Variants in LRRC7 observed in about 807,000 individuals in gnomAD.
The protein encoded by LRRC7 is leucine rich repeat containing 7, also known as leucine-rich repeat-containing protein 7.
A neutral mutation model predicts 175.7 loss-of-function variants in LRRC7; 23 were observed. The observed-to-expected ratio is 0.13, with a 90% CI of 0.09 to 0.19. The LOEUF (loss-of-function observed/expected upper bound fraction) is 0.19, where lower values mean the gene tolerates loss of function less well. Ranked by LOEUF, LRRC7 falls within the 10% of genes least tolerant of loss-of-function variation. The pLI, the probability that LRRC7 is intolerant of heterozygous loss-of-function variation, is 1.00. For missense variants in LRRC7, 1,354 were observed against 1,904.7 expected, an observed-to-expected ratio of 0.71 and a Z score of 5.38; for synonymous variants, 685 against 680.9, an observed-to-expected ratio of 1.01 and a Z score of -0.09.
At position 70,142,584 on chromosome 1, in the gene LRRC7, A is replaced by T. The variant is rs1667107831; in HGVS notation, c.*20697A>T. On this transcript the variant is annotated 3_prime_UTR_variant, in exon 27 of 27. Transcript: ENST00000651989. The stretch of plus-strand genomic sequence containing the variant: ...AAGAAGAAATTTTTTACTAGTGGAA[A>T]ATTAGAAGTAAATCTACCAAATTCT... The T allele has an allele frequency of 6.6e-6, 1 of 152,112 alleles. No individual in the cohort carries two copies. Among genetic ancestry groups the T allele is most frequent in the South Asian group, 2.1e-4 (1 of 4,830 alleles). The allele number at this position is 152,112 out of a possible 1,614,324, so 9.4% of individuals were successfully genotyped here.
chr1:69,847,944 G>T (rs978380803), intron 7 of LRRC7, among the ~76,000 whole-genome samples: 15 of 152,050 alleles, frequency 9.9e-5, no homozygotes, highest in Admixed American at 1.3e-4. Flanking sequence ...TTCTGGCTTC[G>T]TTGCCTCCCA....
intron 26 of LRRC7, among the ~76,000 whole-genome samples, chr1:70,111,201 ATC>A (rs1189685865): frequency 6.6e-6 from 1 of 152,134 alleles, no homozygotes; most frequent in African/African-American, 2.4e-5. Flanking sequence ...AATTTATTAG[ATC>A]TCTTTCTTTC....
At position 70,039,759 on chromosome 1, in the gene LRRC7, T is replaced by A; in HGVS notation, c.3935T>A (p.Leu1312Gln). ...ATGCCTGCAGACTGGAGACAACAGC[T>A]GCTTAGACATATAGAAGCTAGACGG... The part of the protein sequence containing the change: ...GKMPADWRQQ[L>Q]LRHIEARRLD... The change falls in exon 21 of 27, where the codon CTG (leucine) becomes CAG (glutamine). Residue 1312 changes from leucine (L) to glutamine (Q), a missense_variant. Leu to Gln is a moderately radical substitution (Grantham distance 113). Transcript: ENST00000651989. 6.2e-7 allele frequency: 1 copy of A among 1,609,190 alleles called. No homozygotes were observed. The highest frequency in any genetic ancestry group is 8.5e-7 in the Non-Finnish European group (1 of 1,178,162).
intron 23 of LRRC7, among the ~76,000 whole-genome samples, chr1:70,053,606 A>G (rs1333357679): frequency 6.6e-6 from 1 of 152,152 alleles, no homozygotes; most frequent in East Asian, 1.9e-4. Flanking sequence ...GGAAACAAAA[A>G]TGAAAAAGAC....
chr1:69,695,341 C>G (rs1055940902), intron 2 of LRRC7, among the ~76,000 whole-genome samples: 1 of 152,158 alleles, frequency 6.6e-6, no homozygotes, highest in Non-Finnish European at 1.5e-5. Context: ...CAAAATGTGG[C>G]ATGGCTTCTT....
intron 10 of LRRC7, among the ~76,000 whole-genome samples, chr1:69,992,329 G>A (rs1004626319): frequency 6.6e-6 from 1 of 152,014 alleles, no homozygotes; most frequent in Non-Finnish European, 1.5e-5. Flanking sequence ...TAAAATTGTA[G>A]GAAAAGGCCT....
At chr1:70,028,533 A>G (rs2291777) in intron 18 of LRRC7, among the ~76,000 whole-genome samples, 162 bp downstream of exon 18, 14,760 of 152,196 alleles carry the variant, frequency 0.097, 716 homozygotes, top group South Asian at 0.13. Context: ...TTAATCAGTC[A>G]TAGAAAAATG....
chr1:70,058,835 A>G (rs369449938), intron 23 of LRRC7, among the ~76,000 whole-genome samples: 2 of 152,236 alleles, frequency 1.3e-5, no homozygotes, highest in South Asian at 4.1e-4. Flanking sequence ...AAATTCAGAC[A>G]TTGCACTCTG....
At chr1:69,866,541 C>T (rs1255778528) in intron 7 of LRRC7, among the ~76,000 whole-genome samples, 1 of 152,206 alleles carries the variant, frequency 6.6e-6, no homozygotes, top group East Asian at 1.9e-4. Context: ...GGTTATTTAT[C>T]ATTTTCTATT....
At chr1:69,956,767 A>G (rs915723816) in intron 8 of LRRC7, among the ~76,000 whole-genome samples, 2 of 151,726 alleles carry the variant, frequency 1.3e-5, no homozygotes, top group African/African-American at 4.8e-5. Flanking sequence ...TAAGAATAAT[A>G]AAATAAAACA....
intron 8 of LRRC7, among the ~76,000 whole-genome samples, chr1:69,975,321 G>A (rs1652699649): frequency 6.6e-6 from 1 of 152,088 alleles, no homozygotes; most frequent in African/African-American, 2.4e-5. Context: ...TTTATAGTTT[G>A]TACCTTAGCC....
intron 11 of LRRC7, among the ~76,000 whole-genome samples, chr1:70,000,316 T>A (rs150351022): frequency 5.1e-4 from 77 of 152,296 alleles, no homozygotes; most frequent in African/African-American, 1.8e-3. Flanking sequence ...CACAAATAGA[T>A]GCCATTGTGT....
chr1:70,075,049 G>A (rs1425991153), intron 23 of LRRC7, among the ~76,000 whole-genome samples: 1 of 152,106 alleles, frequency 6.6e-6, no homozygotes, highest in Non-Finnish European at 1.5e-5. Context: ...ATCCTTAAAA[G>A]ATCAAGAGGA....
chr1:69,578,271 T>A (rs1646041116), intron 1 of LRRC7, among the ~76,000 whole-genome samples: 1 of 150,208 alleles, frequency 6.7e-6, no homozygotes, highest in Non-Finnish European at 1.5e-5. Flanking sequence ...AGAATGGCAA[T>A]CATTAAAAAG....
intron 7 of LRRC7, among the ~76,000 whole-genome samples, chr1:69,845,602 A>C (rs929548900): frequency 6.6e-6 from 1 of 152,064 alleles, no homozygotes; most frequent in African/African-American, 2.4e-5. Context: ...ATAGATTAAT[A>C]TGTATTCTTA....
At position 70,138,314 on chromosome 1, in the gene LRRC7, A is replaced by G. The variant is rs373818818; in HGVS notation, c.*16427A>G. On this transcript the variant is annotated 3_prime_UTR_variant, in exon 27 of 27. Coordinates refer to ENST00000651989, the MANE Select transcript of LRRC7 (RefSeq NM_001370785.2). ...TGAAAAAAAAGCTCTGTATCTTTGT[A>G]TATTCAGTTGTCAACATGGAGAAGC... 1 of 152,202 alleles carries G rather than the reference A, an allele frequency of 6.6e-6. No homozygotes were observed. The highest frequency in any genetic ancestry group is 1.9e-4 in the East Asian group (1 of 5,204). 9.4% of individuals were successfully genotyped at this position (152,202 alleles called of 1,614,324 possible). A position where few individuals can be genotyped will look rare whatever the true frequency, so the allele number is the denominator to read the frequency against.
At chr1:70,079,394 G>T (rs535844964) in intron 24 of LRRC7, among the ~76,000 whole-genome samples, 25 of 149,516 alleles carry the variant, frequency 1.7e-4, no homozygotes, top group Admixed American at 4.0e-4. Flanking sequence ...GGTAAATTTG[G>T]TCAGGTACAA....
chr1:69,608,899 TAC>T (rs1349854926), intron 1 of LRRC7, among the ~76,000 whole-genome samples: 111 of 123,758 alleles, frequency 9.0e-4, no homozygotes, highest in African/African-American at 2.5e-3. Context: ...TATATATATA[TAC>T]ACACACACAC....
chr1:69,706,967 C>G (rs900418121), intron 2 of LRRC7, among the ~76,000 whole-genome samples: 2 of 151,802 alleles, frequency 1.3e-5, no homozygotes, highest in South Asian at 2.1e-4. Context: ...ATGACAAATA[C>G]AGAAAATATA....
Sources: gnomAD v4.1 joint callset for allele counts (sites outside exome capture counted in the v4.1 genomes callset) on GRCh38, gnomAD v4.1.1 for gene constraint, MANE v1.5 for transcripts, NCBI Gene and HGNC (gene_info 2026-07-23, HGNC 2026-07-21) for gene names.